Variants in RGS6 observed in about 807,000 individuals in gnomAD.
The protein encoded by RGS6 is regulator of G protein signaling 6.
In RGS6, 30 loss-of-function variants were observed where a neutral mutation model predicts 78.5. The ratio of observed to expected loss-of-function variants is 0.38; its 90% CI spans 0.29 to 0.52. The LOEUF is 0.52. RGS6 is among the 20% of genes least tolerant of loss of function. The pLI, the probability that RGS6 is intolerant of heterozygous loss-of-function variation, is 0.85. For synonymous variants in RGS6, 206 were observed against 206.0 expected (o/e 1.00, Z 0.00); for missense variants, 495 against 609.7 (o/e 0.81, Z 1.98).
intron 2 of RGS6, among the ~76,000 whole-genome samples, chr14:72,254,487 C>G (rs2056619411): frequency 6.6e-6 from 1 of 152,198 alleles, no homozygotes; most frequent in South Asian, 2.1e-4. Flanking sequence ...CTGAGAGTTG[C>G]TTTTCCACAG....
At chr14:72,259,759 A>AG (rs1227384311) in intron 2 of RGS6, among the ~76,000 whole-genome samples, 2 of 151,954 alleles carry the variant, frequency 1.3e-5, no homozygotes, top group Non-Finnish European at 2.9e-5. Context: ...TACAAAAAAA[A>AG]AATTAGCCAG....
the RGS6 span, among the ~76,000 whole-genome samples, chr14:72,615,693 G>A: frequency 6.6e-6 from 1 of 152,246 alleles, no homozygotes; most frequent in South Asian, 2.1e-4. Context: ...CCCTGGGGCA[G>A]GGACAGGAGC....
chr14:71,998,644 C>T (rs1255475175), intron 2 of RGS6, among the ~76,000 whole-genome samples: 1 of 152,252 alleles, frequency 6.6e-6, no homozygotes. Flanking sequence ...TGGCCCTCAT[C>T]TCACTTCCAC....
chr14:72,070,678 A>T (rs952639246), intron 2 of RGS6, among the ~76,000 whole-genome samples: 19 of 152,114 alleles, frequency 1.2e-4, no homozygotes, highest in African/African-American at 4.3e-4. Flanking sequence ...CTCTAAATTG[A>T]TGCAGGCACT....
intron 2 of RGS6, among the ~76,000 whole-genome samples, chr14:72,321,872 C>T (rs1171003067): frequency 1.3e-5 from 2 of 151,880 alleles, no homozygotes; most frequent in Non-Finnish European, 2.9e-5. Context: ...TTTCAGATGT[C>T]CATAAAACGT....
chr14:72,568,723 C>T (rs192913061), downstream of RGS6, among the ~76,000 whole-genome samples: 330 of 152,376 alleles, frequency 2.2e-3, 3 homozygotes, highest in Non-Finnish European at 3.1e-3. Context: ...TGACGGACCT[C>T]ATGGCTACTT....
At chr14:72,299,825 T>A (rs7152452) in intron 2 of RGS6, among the ~76,000 whole-genome samples, 1 of 152,198 alleles carries the variant, frequency 6.6e-6, no homozygotes, top group Non-Finnish European at 1.5e-5. Context: ...TTAATGACTG[T>A]AGAATCTATA....
chr14:71,959,620 T>C (rs1361267223), intron 1 of RGS6, among the ~76,000 whole-genome samples: 1 of 151,558 alleles, frequency 6.6e-6, no homozygotes, highest in Non-Finnish European at 1.5e-5. Flanking sequence ...CTTAGCTCTG[T>C]GTCAGGATCA....
At chr14:72,261,797 ATTCTTCTAAAAT>A (rs2058214202) in intron 2 of RGS6, among the ~76,000 whole-genome samples, 1 of 152,196 alleles carries the variant, frequency 6.6e-6, no homozygotes, top group Non-Finnish European at 1.5e-5. Context: ...TCAAAATCAT[ATTCTTCTAAAAT>A]TCACTTGAAA....
intron 2 of RGS6, among the ~76,000 whole-genome samples, chr14:72,127,065 T>C (rs1270269636): frequency 6.6e-6 from 1 of 152,202 alleles, no homozygotes; most frequent in Non-Finnish European, 1.5e-5. Flanking sequence ...AAAAGAGCAG[T>C]GTTAAAATTG....
At chr14:72,623,839 G>A in the RGS6 span, among the ~76,000 whole-genome samples, 1 of 152,124 alleles carries the variant, frequency 6.6e-6, no homozygotes, top group African/African-American at 2.4e-5. Context: ...AAAGACCATT[G>A]CCCACTAAAA....
At chr14:72,045,884 A>G (rs536138135) in intron 2 of RGS6, among the ~76,000 whole-genome samples, 64 of 151,942 alleles carry the variant, frequency 4.2e-4, no homozygotes, top group Non-Finnish European at 8.4e-4. Flanking sequence ...ACCATTAGGG[A>G]TGGAATATTT....
At chr14:72,198,341 A>C (rs996326860) in intron 2 of RGS6, among the ~76,000 whole-genome samples, 45 of 152,242 alleles carry the variant, frequency 3.0e-4, no homozygotes, top group Non-Finnish European at 5.9e-5. Context: ...GACAGAGCAA[A>C]ACCTTGTCTA....
intron 2 of RGS6, among the ~76,000 whole-genome samples, chr14:72,171,888 A>G (rs192335793): frequency 3.9e-5 from 6 of 152,298 alleles, no homozygotes. Context: ...CAACTGAGAC[A>G]CAGAAATTAA....
chr14:72,351,856 G>A (rs1369371581), intron 2 of RGS6, among the ~76,000 whole-genome samples: 2 of 152,100 alleles, frequency 1.3e-5, no homozygotes, highest in African/African-American at 4.8e-5. Context: ...ATACCTTGTT[G>A]AACTGGGATC....
chr14:72,096,449 A>G (rs1171353482), intron 2 of RGS6, among the ~76,000 whole-genome samples: 1 of 152,144 alleles, frequency 6.6e-6, no homozygotes, highest in African/African-American at 2.4e-5. Context: ...CAAAACCTCA[A>G]TTGGGCTACA....
At chr14:72,454,446 A>T in intron 3 of RGS6, 82 bp from the exon 4 acceptor site, 1 of 1,399,002 alleles carries the variant, frequency 7.1e-7, no homozygotes, top group South Asian at 1.2e-5. Flanking sequence ...TGGAATTAGG[A>T]TTCTCTTAGG....
chr14:71,873,360 T>A, the RGS6 span, among the ~76,000 whole-genome samples: 1 of 152,224 alleles, frequency 6.6e-6, no homozygotes, highest in Non-Finnish European at 1.5e-5. Context: ...GGTATCTCAT[T>A]GTGGTTTTGA....
At chr14:72,037,712 T>C (rs60226472) in intron 2 of RGS6, among the ~76,000 whole-genome samples, 22,751 of 152,284 alleles carry the variant, frequency 0.15, 2,216 homozygotes, top group East Asian at 0.27. Context: ...TAGTTGCCCA[T>C]GGGTATATGC....
Sources: allele counts gnomAD v4.1 joint callset (sites outside exome capture counted in the v4.1 genomes callset), GRCh38; gene constraint gnomAD v4.1.1; transcripts MANE v1.5; gene names NCBI Gene and HGNC (gene_info 2026-07-23, HGNC 2026-07-21).